The following BMP2K variants were observed in gnomAD, a reference collection of about 807,000 sequenced individuals.
The protein encoded by BMP2K is BMP2 inducible kinase, also known as BMP-2-inducible protein kinase.
In BMP2K, 74 loss-of-function variants were observed where a neutral mutation model predicts 116.0. The ratio of observed to expected loss-of-function variants is 0.64; its 90% CI spans 0.53 to 0.77. The LOEUF (loss-of-function observed/expected upper bound fraction) is 0.77, where lower values mean the gene tolerates loss of function less well. Ranked by LOEUF, BMP2K falls within the 30% of genes least tolerant of loss-of-function variation. BMP2K has a pLI of 0.00. For missense variants in BMP2K, 1,365 were observed against 1,403.6 expected (o/e 0.97, Z 0.44); for synonymous variants, 486 against 502.5 (o/e 0.97, Z 0.44).
chr4:78,861,390 ATTC>A lies in BMP2K; in HGVS notation c.994_996del (p.Ser332del), dbSNP rs1316544004. On this transcript the variant is annotated inframe_deletion and splice_region_variant, in exon 9 of 16. Coordinates refer to ENST00000502613, the MANE Select transcript of BMP2K (RefSeq NM_198892.2). ...ACGTTTTATTTTTTTTCTTCCAAGA[ATTC>A]TTCTATTCCTTCAGCTCTTCCTGAA... 3.1e-6 allele frequency: 5 copies of A among 1,587,660 alleles called. No individual in the cohort carries two copies. Among genetic ancestry groups the A allele is most frequent in the African/African-American group, 1.4e-5 (1 of 73,438 alleles).
At chr4:78,784,030 T>G (rs1293732941) in intron 1 of BMP2K, among the ~76,000 whole-genome samples, 3 of 152,182 alleles carry the variant, frequency 2.0e-5, no homozygotes, top group Non-Finnish European at 2.9e-5. Context: ...GTAGGGAAAC[T>G]TGGAAAAGGT....
intron 6 of BMP2K, among the ~76,000 whole-genome samples, chr4:78,848,511 G>GA (rs903750826): frequency 7.9e-5 from 12 of 151,464 alleles, no homozygotes; most frequent in Middle Eastern, 6.3e-3. Context: ...CATGTTACTT[G>GA]AAAAGAGTAT....
chr4:78,827,743 A>C (rs756896811), intron 2 of BMP2K, among the ~76,000 whole-genome samples: 47 of 152,130 alleles, frequency 3.1e-4, no homozygotes, highest in Non-Finnish European at 6.2e-4. Flanking sequence ...ACCACTGTTC[A>C]GTTCTGCCAT....
chr4:78,874,383 GTAAATAGTAA>G (rs1268248593), intron 13 of BMP2K, among the ~76,000 whole-genome samples: 1 of 152,130 alleles, frequency 6.6e-6, no homozygotes, highest in Non-Finnish European at 1.5e-5. Context: ...AGTATGAAAT[GTAAATAGTAA>G]TCTAATAAAT....
chr4:78,784,792 A>C (rs1052438040), intron 1 of BMP2K, among the ~76,000 whole-genome samples: 3 of 152,198 alleles, frequency 2.0e-5, no homozygotes, highest in Non-Finnish European at 4.4e-5. Flanking sequence ...CCAGCTGGTA[A>C]TCCCTGTTCT....
In BMP2K at chr4:78,913,479, G is replaced by A. The variant is rs191068782; in HGVS notation, c.*1446G>A. The A allele has an allele frequency of 3.3e-5, 5 of 152,210 alleles. No homozygotes were observed. The highest frequency in any genetic ancestry group is 2.1e-4 in the South Asian group (1 of 4,824). The allele number at this position is 152,210 out of a possible 1,614,324, so 9.4% of individuals were successfully genotyped here. A position where few individuals can be genotyped will look rare whatever the true frequency, so the allele number is the denominator to read the frequency against. ...CTATTTTAAGATATAATTGTGCTGC[G>A]CTATCAGATTAACATTTGGAAGTTT... On this transcript the variant is annotated 3_prime_UTR_variant, in exon 16 of 16. Coordinates refer to ENST00000502613, the MANE Select transcript of BMP2K (RefSeq NM_198892.2).
Position 78,911,549 on chromosome 4 carries a change from C to T in BMP2K, c.3002C>T (p.Pro1001Leu). The T allele has an allele frequency of 6.2e-7, 1 of 1,614,014 alleles. No individual in the cohort carries two copies. Among genetic ancestry groups the T allele is most frequent in the South Asian group, 1.1e-5 (1 of 91,084 alleles). Residue 1001 changes from proline to leucine, a missense_variant, in exon 16 of 16, where the codon CCA becomes CTA. By Grantham distance (98) the Pro-to-Leu change is moderately conservative. Coordinates refer to ENST00000502613, the MANE Select transcript of BMP2K (RefSeq NM_198892.2). Reference sequence around the variant, plus strand: ...AATGGGAAGCGGCATCATGGCACGCCAACTAGCACAAAGAAGACTTTGAAG... The same window carrying T: ...AATGGGAAGCGGCATCATGGCACGCTAACTAGCACAAAGAAGACTTTGAAG... Reference protein sequence around the residue: ...KSNGKRHHGTPTSTKKTLKPT... With the variant: ...KSNGKRHHGTLTSTKKTLKPT...
chr4:78,845,175 A>G lies in BMP2K; in HGVS notation c.668+126A>G, dbSNP rs1365790940. 4 of 850,988 alleles carry G rather than the reference A, an allele frequency of 4.7e-6. No individual in the cohort carries two copies. The Admixed American group carries it at 9.7e-5, about 21-fold the overall frequency. The allele number at this position is 850,988 out of a possible 1,614,324, so 52.7% of individuals were successfully genotyped here. ...GATTTCTTTGAAATATTTCTGTGCC[A>G]TAGATGTTGATTAATTCATGTCTGA... On this transcript the variant is annotated intron_variant, in intron 5 of 15. Transcript: ENST00000502613.
intron 1 of BMP2K, among the ~76,000 whole-genome samples, chr4:78,813,373 T>C (rs1269410328): frequency 1.3e-5 from 2 of 152,200 alleles, no homozygotes; most frequent in African/African-American, 2.4e-5. Context: ...AGTGGTCATA[T>C]TAAAATTTGA....
chr4:78,837,149 G>T (rs555958749), intron 3 of BMP2K, among the ~76,000 whole-genome samples: 7 of 150,838 alleles, frequency 4.6e-5, no homozygotes, highest in Non-Finnish European at 1.0e-4. Context: ...CTCTTCTATA[G>T]AATTTTGTAT....
At chr4:78,833,322 ATTCC>A (rs776176704) in intron 2 of BMP2K, among the ~76,000 whole-genome samples, 39 of 152,224 alleles carry the variant, frequency 2.6e-4, no homozygotes, top group Non-Finnish European at 4.3e-4. Flanking sequence ...TTTGGGAGCT[ATTCC>A]TTTTGCGTGA....
intron 7 of BMP2K, among the ~76,000 whole-genome samples, chr4:78,852,976 G>T (rs1365578064): frequency 6.6e-6 from 1 of 151,972 alleles, no homozygotes; most frequent in African/African-American, 2.4e-5. Flanking sequence ...GTGTCTCTGT[G>T]TTTATAATAT....
At position 78,871,843 on chromosome 4, in the gene BMP2K, G is replaced by A. The variant is rs756296053; in HGVS notation, c.1510-7G>A. 1.1e-5 allele frequency: 17 copies of A among 1,598,360 alleles called. No homozygotes were observed. Among genetic ancestry groups the A allele is most frequent in the African/African-American group, 6.7e-5 (5 of 74,338 alleles). On this transcript the variant is annotated splice_region_variant and splice_polypyrimidine_tract_variant and intron_variant, in intron 11 of 15. Transcript: ENST00000502613. ...TAACATTTATTAATTTGATTTTCTCGTTGTAGTATCAACATGCAACACAGC... is the reference window on the plus strand; with the variant it reads ...TAACATTTATTAATTTGATTTTCTCATTGTAGTATCAACATGCAACACAGC...
chr4:78,817,293 T>C (rs990205030), intron 1 of BMP2K, among the ~76,000 whole-genome samples: 2 of 152,202 alleles, frequency 1.3e-5, no homozygotes, highest in African/African-American at 4.8e-5. Flanking sequence ...TTAAGGGACA[T>C]AGTCCAACAA....
At chr4:78,788,555 C>T (rs1252754643) in intron 1 of BMP2K, among the ~76,000 whole-genome samples, 1 of 152,034 alleles carries the variant, frequency 6.6e-6, no homozygotes, top group Non-Finnish European at 1.5e-5. Context: ...AATGTTTATG[C>T]AACCCAAAGG....
chr4:78,779,102 A>G (rs1727384279), intron 1 of BMP2K, among the ~76,000 whole-genome samples: 1 of 152,166 alleles, frequency 6.6e-6, no homozygotes, highest in African/African-American at 2.4e-5. Flanking sequence ...TTATTTTTAT[A>G]TAATTAGTTA....
chr4:78,854,074 C>G (rs1731384066), intron 7 of BMP2K, among the ~76,000 whole-genome samples: 1 of 151,376 alleles, frequency 6.6e-6, no homozygotes. Flanking sequence ...TCATATATTC[C>G]AGAATATACT....
intron 1 of BMP2K, among the ~76,000 whole-genome samples, chr4:78,808,475 C>T (rs1728930618): frequency 6.6e-6 from 1 of 151,988 alleles, no homozygotes; most frequent in South Asian, 2.1e-4. Flanking sequence ...ACCATATTAG[C>T]CAGGATGGTC....
intron 1 of BMP2K, among the ~76,000 whole-genome samples, chr4:78,781,786 C>T: frequency 6.6e-6 from 1 of 152,110 alleles, no homozygotes; most frequent in East Asian, 1.9e-4. Flanking sequence ...CTGAGTGAGG[C>T]CCACTCTTTC....
Sources: gnomAD v4.1 joint callset for allele counts (sites outside exome capture counted in the v4.1 genomes callset) on GRCh38, gnomAD v4.1.1 for gene constraint, MANE v1.5 for transcripts, NCBI Gene and HGNC (gene_info 2026-07-23, HGNC 2026-07-21) for gene names.